MAGI1: variants seen among roughly 807,000 people sequenced by gnomAD.
MAGI1 encodes membrane associated guanylate kinase, WW and PDZ domain containing 1, also known as membrane-associated guanylate kinase, WW and PDZ domain-containing protein 1.
In MAGI1, 58 loss-of-function variants were observed where a neutral mutation model predicts 139.9. The observed-to-expected ratio is 0.41, with a 90% CI of 0.34 to 0.52. The LOEUF (loss-of-function observed/expected upper bound fraction) is 0.52. MAGI1 is among the 20% of genes least tolerant of loss of function. The pLI, the probability that MAGI1 is intolerant of heterozygous loss-of-function variation, is 0.12. For synonymous variants in MAGI1, 812 were observed against 737.9 expected (o/e 1.10, Z -1.63); for missense variants, 1,874 against 1,901.6 (o/e 0.99, Z 0.27).
intron 1 of MAGI1, chr3:66,008,983 T>C (rs1268486858): frequency 6.6e-6 from 1 of 152,256 alleles, no homozygotes; most frequent in African/African-American, 2.4e-5. Context: ...ACCCCAGCTA[T>C]CCCCATTTGT....
chr3:65,586,657 A>G (rs2081699274), intron 2 of MAGI1, among the ~76,000 whole-genome samples: 1 of 152,240 alleles, frequency 6.6e-6, no homozygotes, highest in Non-Finnish European at 1.5e-5. Context: ...ACAAAAATAT[A>G]CAAAGATACA....
At chr3:65,440,707 ATAAAGT>A (rs1328490986) in intron 8 of MAGI1, among the ~76,000 whole-genome samples, 2 of 152,112 alleles carry the variant, frequency 1.3e-5, no homozygotes, top group Non-Finnish European at 2.9e-5. Flanking sequence ...GAGAATCCAA[ATAAAGT>A]TAACCTAAGT....
intron 3 of MAGI1, among the ~76,000 whole-genome samples, chr3:65,490,651 C>G (rs980602173): frequency 3.3e-5 from 5 of 151,814 alleles, no homozygotes; most frequent in Non-Finnish European, 5.9e-5. Flanking sequence ...CGAGACCATC[C>G]TGGCCAACAC....
At chr3:65,444,667 T>C (rs1425044174) in intron 7 of MAGI1, among the ~76,000 whole-genome samples, 4 of 152,080 alleles carry the variant, frequency 2.6e-5, no homozygotes, top group African/African-American at 9.7e-5. Context: ...AGCAGAAAAT[T>C]CAGCCACGTG....
chr3:65,503,389 C>T (rs969579245), intron 2 of MAGI1, among the ~76,000 whole-genome samples: 1 of 152,146 alleles, frequency 6.6e-6, no homozygotes, highest in African/African-American at 2.4e-5. Context: ...TAAATGGATC[C>T]TTTCTAGAAG....
At chr3:65,777,642 C>CAAAAAAAAAA (rs11415226) in intron 1 of MAGI1, among the ~76,000 whole-genome samples, 1 of 117,006 alleles carries the variant, frequency 8.5e-6, no homozygotes, top group Non-Finnish European at 1.7e-5. Context: ...ACTCTTATCA[C>CAAAAAAAAAA]AAAAAAAAAA....
At chr3:65,550,971 G>T (rs970846301) in intron 2 of MAGI1, among the ~76,000 whole-genome samples, 1 of 152,066 alleles carries the variant, frequency 6.6e-6, no homozygotes, top group Non-Finnish European at 1.5e-5. Flanking sequence ...GTCTTAAAAA[G>T]AAACGGAATT....
chr3:66,038,795 C>A lies in MAGI1; in HGVS notation c.-487G>T. Reference sequence around the variant, plus strand: ...GACGCGGTGGCGGGGCGGCGGGGAGCAGGGCGGGAGGTAAGTGCTCGCGGC... The same window carrying A: ...GACGCGGTGGCGGGGCGGCGGGGAGAAGGGCGGGAGGTAAGTGCTCGCGGC... On this transcript the variant is annotated 5_prime_UTR_variant, in exon 1 of 23. Coordinates refer to ENST00000402939, the MANE Select transcript of MAGI1 (RefSeq NM_001033057.2). 1 of 157,408 alleles carries A rather than the reference C, an allele frequency of 6.4e-6. No homozygotes were observed. The allele number at this position is 157,408 out of a possible 1,614,324, so 9.8% of individuals were successfully genotyped here.
At chr3:65,984,380 CCATTT>C (rs908376632) in intron 1 of MAGI1, among the ~76,000 whole-genome samples, 2 of 152,112 alleles carry the variant, frequency 1.3e-5, no homozygotes, top group African/African-American at 4.8e-5. Context: ...CTCAAACACA[CCATTT>C]ATTTATTAAA....
intron 5 of MAGI1, among the ~76,000 whole-genome samples, chr3:65,454,818 T>C (rs1041466660): frequency 2.6e-5 from 4 of 151,638 alleles, no homozygotes; most frequent in African/African-American, 4.8e-5. Flanking sequence ...CAAAAGGTAA[T>C]ATAGCAACCA....
chr3:65,922,588 C>G (rs1321360199), intron 1 of MAGI1, among the ~76,000 whole-genome samples: 4 of 152,112 alleles, frequency 2.6e-5, no homozygotes, highest in Non-Finnish European at 5.9e-5. Context: ...GAAGCAAGGC[C>G]CTGCTTGACT....
At chr3:65,728,058 A>G (rs1189059896) in intron 1 of MAGI1, among the ~76,000 whole-genome samples, 3 of 152,132 alleles carry the variant, frequency 2.0e-5, no homozygotes, top group African/African-American at 4.8e-5. Context: ...GGCAACTTCA[A>G]TGTAAGCTAA....
At chr3:65,462,926 T>C (rs991666110) in intron 5 of MAGI1, among the ~76,000 whole-genome samples, 1 of 152,218 alleles carries the variant, frequency 6.6e-6, no homozygotes, top group African/African-American at 2.4e-5. Context: ...GTTTGTCTAC[T>C]ATTGGTGTAT....
At chr3:65,603,600 A>C (rs1261993289) in intron 2 of MAGI1, among the ~76,000 whole-genome samples, 4 of 152,242 alleles carry the variant, frequency 2.6e-5, no homozygotes, top group African/African-American at 9.6e-5. Context: ...ATCCCTAAGA[A>C]ACTGAAAAGC....
At chr3:65,539,706 TTTAGCATA>T (rs1193666407) in intron 2 of MAGI1, among the ~76,000 whole-genome samples, 1 of 152,174 alleles carries the variant, frequency 6.6e-6, no homozygotes, top group East Asian at 1.9e-4. Context: ...GTGGCAACTA[TTTAGCATA>T]TGAAGAGAGG....
intron 1 of MAGI1, among the ~76,000 whole-genome samples, chr3:65,991,763 C>T (rs1256832059): frequency 6.6e-6 from 1 of 152,046 alleles, no homozygotes; most frequent in Non-Finnish European, 1.5e-5. Flanking sequence ...GATTGTAATC[C>T]CAGCACTTTG....
intron 1 of MAGI1, among the ~76,000 whole-genome samples, chr3:66,008,107 C>G (rs6782159): frequency 0.46 from 69,567 of 151,856 alleles, 17,144 homozygotes; most frequent in East Asian, 0.73. Context: ...ATGTTGGCCA[C>G]GCTAGTCTTG....
intron 1 of MAGI1, among the ~76,000 whole-genome samples, chr3:65,854,178 A>T (rs1310118046): frequency 1.4e-4 from 6 of 42,098 alleles, no homozygotes; most frequent in South Asian, 1.0e-3. Context: ...TAAAGGTTTA[A>T]AAAAAAAAAA....
intron 1 of MAGI1, among the ~76,000 whole-genome samples, chr3:65,692,432 A>T (rs1374460255): frequency 6.6e-6 from 1 of 152,104 alleles, no homozygotes; most frequent in East Asian, 1.9e-4. Flanking sequence ...AACCAAACTC[A>T]TATGTTGAAG....
Sources: gnomAD v4.1 joint callset for allele counts (sites outside exome capture counted in the v4.1 genomes callset) on GRCh38, gnomAD v4.1.1 for gene constraint, MANE v1.5 for transcripts, NCBI Gene and HGNC (gene_info 2026-07-23, HGNC 2026-07-21) for gene names.